Variants in GAB2 observed in about 807,000 individuals in gnomAD.
GAB2 encodes the protein GRB2-associated-binding protein 2.
Under a neutral mutation model 65.5 loss-of-function variants are expected in GAB2, and 26 were observed. The observed-to-expected ratio is 0.40, with a 90% CI of 0.29 to 0.55. GAB2 has a LOEUF of 0.55. GAB2 is among the 20% of genes least tolerant of loss of function. The probability of loss-of-function intolerance (pLI) is 0.53; values close to 1 mark genes in which losing one functional copy is unlikely to be tolerated. For missense variants in GAB2, 884 were observed against 875.8 expected (o/e 1.01, Z -0.12); for synonymous variants, 321 against 329.6 (o/e 0.97, Z 0.28).
chr11:78,399,348 G>A (rs575172358), intron 1 of GAB2, among the ~76,000 whole-genome samples: 1 of 152,324 alleles, frequency 6.6e-6, no homozygotes, highest in African/African-American at 2.4e-5. Context: ...CCCTTTGGAG[G>A]ATCCTGCAGG....
intron 1 of GAB2, 43 bp downstream of exon 1, chr11:78,417,603 G>A (rs781070922): frequency 1.3e-5 from 15 of 1,144,606 alleles, no homozygotes; most frequent in African/African-American, 5.0e-5. Context: ...GCAGGCCCCG[G>A]AGCGCCCCCC....
intron 3 of GAB2, among the ~76,000 whole-genome samples, chr11:78,233,729 C>T (rs1003097332): frequency 2.6e-5 from 4 of 152,160 alleles, no homozygotes; most frequent in Non-Finnish European, 4.4e-5. Flanking sequence ...GCCTCAGCCT[C>T]GCCAGTAGCT....
At chr11:78,380,855 G>C (rs1336442263) in intron 1 of GAB2, among the ~76,000 whole-genome samples, 1 of 148,284 alleles carries the variant, frequency 6.7e-6, no homozygotes, top group Non-Finnish European at 1.5e-5. Flanking sequence ...CCTCCTCATG[G>C]AGTAATCTTC....
chr11:78,293,479 T>C (rs772653806), intron 1 of GAB2, among the ~76,000 whole-genome samples: 2 of 152,192 alleles, frequency 1.3e-5, no homozygotes, highest in Admixed American at 6.5e-5. Context: ...GATCTGTTAA[T>C]TTAACACAAT....
intron 1 of GAB2, among the ~76,000 whole-genome samples, chr11:78,351,067 T>C (rs185031017): frequency 2.8e-4 from 42 of 152,234 alleles, no homozygotes; most frequent in African/African-American, 9.4e-4. Flanking sequence ...GGGTACTGTA[T>C]CCAGCTGTTG....
chr11:78,327,995 G>T (rs1855853229), intron 1 of GAB2, among the ~76,000 whole-genome samples: 1 of 152,178 alleles, frequency 6.6e-6, no homozygotes, highest in Non-Finnish European at 1.5e-5. Flanking sequence ...TTGGGAATTT[G>T]TTGTGGGTGA....
intron 1 of GAB2, among the ~76,000 whole-genome samples, chr11:78,350,831 C>T (rs1483964702): frequency 6.6e-6 from 1 of 152,184 alleles, no homozygotes; most frequent in Non-Finnish European, 1.5e-5. Flanking sequence ...ACTAAAGCCT[C>T]CTCCCCAAAC....
At chr11:78,358,674 C>T (rs1856394410) in intron 1 of GAB2, among the ~76,000 whole-genome samples, 1 of 151,780 alleles carries the variant, frequency 6.6e-6, no homozygotes, top group Admixed American at 6.6e-5. Flanking sequence ...TTAACCTAGG[C>T]CTCAAATAGC....
At chr11:78,347,874 G>A (rs1323594340) in intron 1 of GAB2, among the ~76,000 whole-genome samples, 1 of 152,188 alleles carries the variant, frequency 6.6e-6, no homozygotes, top group Admixed American at 6.6e-5. Flanking sequence ...ATGGGGGTTA[G>A]GGGATGGCTC....
intron 1 of GAB2, among the ~76,000 whole-genome samples, chr11:78,283,211 A>G (rs1364559452): frequency 6.6e-6 from 1 of 152,170 alleles, no homozygotes; most frequent in Non-Finnish European, 1.5e-5. Flanking sequence ...ATCAAAAGAA[A>G]ATTTACACAT....
chr11:78,375,529 C>A (rs1362112154), intron 1 of GAB2, among the ~76,000 whole-genome samples: 2 of 152,154 alleles, frequency 1.3e-5, no homozygotes, highest in Non-Finnish European at 1.5e-5. Context: ...GAGACAGATA[C>A]ATCAACTGAT....
At chr11:78,346,720 T>A (rs1361490399) in intron 1 of GAB2, among the ~76,000 whole-genome samples, 2 of 63,872 alleles carry the variant, frequency 3.1e-5, no homozygotes, top group African/African-American at 8.7e-5. Context: ...TATATATATA[T>A]AATTTTTTTT....
intron 1 of GAB2, among the ~76,000 whole-genome samples, chr11:78,363,016 T>C (rs1856454150): frequency 6.6e-6 from 1 of 152,188 alleles, no homozygotes; most frequent in South Asian, 2.1e-4. Flanking sequence ...GTCCATTACA[T>C]AATGGGAGAT....
intron 1 of GAB2, among the ~76,000 whole-genome samples, chr11:78,368,796 T>C (rs1856530414): frequency 6.6e-6 from 1 of 151,938 alleles, no homozygotes; most frequent in Admixed American, 6.6e-5. Context: ...GTCAGATAAG[T>C]CCAGGCATGG....
intron 1 of GAB2, chr11:78,364,127 T>C (rs892154722): frequency 6.6e-6 from 1 of 152,146 alleles, no homozygotes; most frequent in African/African-American, 2.4e-5. Flanking sequence ...GAAAAAAGAA[T>C]GTAAGGTCCA....
intron 1 of GAB2, among the ~76,000 whole-genome samples, chr11:78,366,300 C>G (rs544060605): frequency 3.3e-4 from 50 of 152,204 alleles, no homozygotes; most frequent in African/African-American, 1.2e-3. Flanking sequence ...CTAAAATAGG[C>G]TGGGCACAGT....
intron 1 of GAB2, among the ~76,000 whole-genome samples, chr11:78,408,164 T>C (rs542994274): frequency 6.6e-6 from 1 of 152,290 alleles, no homozygotes; most frequent in South Asian, 2.1e-4. Context: ...GTTTTCTAAA[T>C]TAGGTTTAAT....
At chr11:78,245,011 G>A (rs768742162) in intron 3 of GAB2, among the ~76,000 whole-genome samples, 8 of 152,126 alleles carry the variant, frequency 5.3e-5, no homozygotes, top group Non-Finnish European at 1.0e-4. Context: ...CATTAGTCAC[G>A]ATAGCCAAGA....
chr11:78,400,905 A>C (rs1856961346), intron 1 of GAB2, among the ~76,000 whole-genome samples: 1 of 131,574 alleles, frequency 7.6e-6, no homozygotes, highest in African/African-American at 4.1e-5. Context: ...CTGTCTCAAA[A>C]AAAAAAAAAA....
Sources: gnomAD v4.1 joint callset for allele counts (sites outside exome capture counted in the v4.1 genomes callset) on GRCh38, gnomAD v4.1.1 for gene constraint, MANE v1.5 for transcripts, NCBI Gene and HGNC (gene_info 2026-07-23, HGNC 2026-07-21) for gene names.